Variants in EXOC2 observed in about 807,000 individuals in gnomAD.
EXOC2 encodes the protein SEC5-like 1.
A neutral mutation model predicts 131.8 loss-of-function variants in EXOC2; 70 were observed. The ratio of observed to expected loss-of-function variants is 0.53; its 90% CI spans 0.44 to 0.65. EXOC2 has a LOEUF of 0.65. Among genes scored for constraint, EXOC2 ranks in the 30% least tolerant of loss-of-function variants. EXOC2 has a pLI of 0.00. For missense variants in EXOC2, 923 were observed against 1,108.6 expected, an observed-to-expected ratio of 0.83 and a Z score of 2.38; for synonymous variants, 411 against 398.4, an observed-to-expected ratio of 1.03 and a Z score of -0.38.
chr6:517,406 AG>A, intron 23 of EXOC2, among the ~76,000 whole-genome samples: 1 of 152,332 alleles, frequency 6.6e-6, no homozygotes, highest in East Asian at 1.9e-4. Context: ...GACTTCATAA[AG>A]GTAATCAAAA....
chr6:490,979 T>TA (rs1763394881), intron 26 of EXOC2, 146 bp downstream of exon 26: 5 of 793,248 alleles, frequency 6.3e-6, no homozygotes, highest in Non-Finnish European at 1.1e-5. Flanking sequence ...TACATTGTGT[T>TA]ACAAAGTGGC....
intron 1 of EXOC2, chr6:689,313 G>A (rs1048739783): frequency 6.6e-6 from 1 of 152,220 alleles, no homozygotes; most frequent in Non-Finnish European, 1.5e-5. Context: ...AGGGAATTAA[G>A]GTAAAGGATG....
intron 1 of EXOC2, among the ~76,000 whole-genome samples, chr6:647,140 T>C (rs1338732072): frequency 6.6e-6 from 1 of 152,232 alleles, no homozygotes. Context: ...TATTAAGGTA[T>C]GTCCTCAGTA....
chr6:493,256 G>T (rs1470661484), intron 25 of EXOC2, among the ~76,000 whole-genome samples: 1 of 152,110 alleles, frequency 6.6e-6, no homozygotes, highest in African/African-American at 2.4e-5. Flanking sequence ...CAATTGTTTG[G>T]TTTCATTTTT....
chr6:614,964 C>T (rs1760908017), intron 6 of EXOC2, among the ~76,000 whole-genome samples: 1 of 151,398 alleles, frequency 6.6e-6, no homozygotes, highest in African/African-American at 2.4e-5. Context: ...ATTTTAAAAA[C>T]ACAAAAAAGA....
intron 22 of EXOC2, 71 bp downstream of exon 22, chr6:549,104 A>G: frequency 1.6e-6 from 2 of 1,272,352 alleles, no homozygotes. Context: ...AGCAGAACAC[A>G]GGCTAGGAAA....
At chr6:583,385 A>G (rs951791043) in intron 11 of EXOC2, among the ~76,000 whole-genome samples, 30 of 152,228 alleles carry the variant, frequency 2.0e-4, no homozygotes, top group African/African-American at 7.2e-4. Context: ...ACCAGCTGCT[A>G]CAATCACAAA....
chr6:544,287 G>A (rs1330127938), intron 22 of EXOC2, among the ~76,000 whole-genome samples: 1 of 152,176 alleles, frequency 6.6e-6, no homozygotes, highest in East Asian at 1.9e-4. Flanking sequence ...TCTGTATTGG[G>A]GAGGTAGCAC....
chr6:547,263 T>C (rs769416682), intron 22 of EXOC2, among the ~76,000 whole-genome samples: 1 of 152,148 alleles, frequency 6.6e-6, no homozygotes, highest in African/African-American at 2.4e-5. Flanking sequence ...GAGGAACAGG[T>C]GAAGGGAATG....
chr6:684,075 G>C (rs1764534134), intron 1 of EXOC2, among the ~76,000 whole-genome samples: 1 of 152,150 alleles, frequency 6.6e-6, no homozygotes, highest in South Asian at 2.1e-4. Context: ...TCGGCTGAGC[G>C]GGAGACCACA....
At chr6:519,095 A>C (rs374020729) in intron 23 of EXOC2, among the ~76,000 whole-genome samples, 4 of 144,572 alleles carry the variant, frequency 2.8e-5, no homozygotes, top group South Asian at 4.4e-4. Context: ...GCCGACACTC[A>C]CCGTCCACAC....
chr6:665,472 A>T (rs1763600051), intron 1 of EXOC2, among the ~76,000 whole-genome samples: 1 of 152,226 alleles, frequency 6.6e-6, no homozygotes, highest in Non-Finnish European at 1.5e-5. Flanking sequence ...TTCAAAAAAG[A>T]TTCTTGCACA....
At chr6:539,028 C>A (rs576141264) in intron 22 of EXOC2, among the ~76,000 whole-genome samples, 1 of 150,820 alleles carries the variant, frequency 6.6e-6, no homozygotes, top group South Asian at 2.1e-4. Context: ...CAAGATCACA[C>A]CACTGCACTA....
chr6:553,985 T>C, intron 20 of EXOC2, 65 bp from the exon 21 acceptor site: 1 of 1,242,794 alleles, frequency 8.0e-7, no homozygotes, highest in Non-Finnish European at 1.2e-6. Flanking sequence ...TGCAATGAAC[T>C]ATACGCAAAT....
chr6:578,099 C>T (rs1758683983), intron 11 of EXOC2, among the ~76,000 whole-genome samples: 1 of 152,196 alleles, frequency 6.6e-6, no homozygotes, highest in Non-Finnish European at 1.5e-5. Flanking sequence ...TCCCCACAGT[C>T]ATTGGACCTT....
chr6:690,559 C>T (rs1377563408), intron 1 of EXOC2, among the ~76,000 whole-genome samples: 3 of 152,074 alleles, frequency 2.0e-5, no homozygotes, highest in Middle Eastern at 3.4e-3. Flanking sequence ...AAAAGTTAGT[C>T]GGGCGTGGTG....
chr6:557,726 G>T (rs144537427), intron 17 of EXOC2, among the ~76,000 whole-genome samples: 102 of 152,060 alleles, frequency 6.7e-4, no homozygotes, highest in Non-Finnish European at 1.3e-3. Flanking sequence ...TGAGAACATT[G>T]ATGCTGAGAC....
intron 17 of EXOC2, among the ~76,000 whole-genome samples, chr6:559,036 A>G (rs1266802591): frequency 6.6e-6 from 1 of 152,190 alleles, no homozygotes; most frequent in Non-Finnish European, 1.5e-5. Context: ...TTTTCTCAAA[A>G]GAAATAGTTC....
At chr6:675,976 A>C (rs113878590) in intron 1 of EXOC2, among the ~76,000 whole-genome samples, 37 of 100,590 alleles carry the variant, frequency 3.7e-4, no homozygotes, top group East Asian at 6.5e-4. Flanking sequence ...GGAGACTCTG[A>C]GGTTCCCCAT....
Sources: gnomAD v4.1 joint callset for allele counts (sites outside exome capture counted in the v4.1 genomes callset) on GRCh38, gnomAD v4.1.1 for gene constraint, MANE v1.5 for transcripts, NCBI Gene and HGNC (gene_info 2026-07-23, HGNC 2026-07-21) for gene names.